The following DEAF1 variants were observed in gnomAD, a reference collection of about 807,000 sequenced individuals.
The protein encoded by DEAF1 is DEAF1 transcription factor, also known as deformed epidermal autoregulatory factor 1 homolog.
A neutral mutation model predicts 58.9 loss-of-function variants in DEAF1; 53 were observed. The ratio of observed to expected loss-of-function variants is 0.90; its 90% CI spans 0.72 to 1.13. The LOEUF is 1.13. DEAF1 is among the 50% of genes most tolerant of loss of function. The pLI is 0.00. For synonymous variants in DEAF1, 385 were observed against 340.4 expected, an observed-to-expected ratio of 1.13 and a Z score of -1.44; for missense variants, 685 against 791.4, an observed-to-expected ratio of 0.87 and a Z score of 1.61.
chr11:670,615 T>G (rs930200129), intron 10 of DEAF1, among the ~76,000 whole-genome samples: 2 of 151,634 alleles, frequency 1.3e-5, no homozygotes, highest in Non-Finnish European at 2.9e-5. Context: ...TCTGGGAAGC[T>G]GAGGCACAAG....
In DEAF1 at chr11:647,580, C is replaced by T. The variant is rs149158544; in HGVS notation, c.1594-2926G>A. 2.0e-3 allele frequency among the ~76,000 whole-genome samples: 301 copies of T among 152,280 alleles called. 2 individuals are homozygous for T. Among genetic ancestry groups the T allele is most frequent in the African/African-American group, 7.1e-3 (295 of 41,568 alleles). On this transcript the variant is annotated intron_variant, in intron 11 of 11. Coordinates refer to ENST00000382409, the MANE Select transcript of DEAF1 (RefSeq NM_021008.4). ...ATCTGACTTACAGTGATCCAGGCCT[C>T]ACAAATGAAAATAATGATGCGTGGG...
Position 644,587 on chromosome 11 carries a change from T to C in DEAF1, c.1661A>G (p.His554Arg), listed in dbSNP as rs1354985474. 6.2e-7 allele frequency: 1 copy of C among 1,613,212 alleles called. No homozygotes were observed. Residue 554 changes from histidine to arginine, a missense_variant, in exon 12 of 12, where the codon CAC becomes CGC. This residue lies in a region of DEAF1 where 343 missense variants were observed against 379.8 expected (regional missense o/e 0.90). Transcript: ENST00000382409. The surrounding 1 kb of genome is among the most constrained non-coding windows in gnomAD (Gnocchi z 4.3). ...CTTCTCCATCACGCTTTCAGCCACGTGGACTTCGTCTGCCTGGACGGTGAC... is the reference window on the plus strand; with the variant it reads ...CTTCTCCATCACGCTTTCAGCCACGCGGACTTCGTCTGCCTGGACGGTGAC... ...AAVTVQADEV[H>R]VAESVMEKVT... is the part of the protein sequence containing the mutation.
intron 9 of DEAF1, 151 bp downstream of exon 9, chr11:678,543 C>T: frequency 9.2e-7 from 1 of 1,088,380 alleles, no homozygotes; most frequent in Non-Finnish European, 1.4e-6. Context: ...CAAACATAGG[C>T]AGTGGGCCAC....
chr11:652,243 C>G (rs1474458737), intron 11 of DEAF1, among the ~76,000 whole-genome samples: 1 of 152,080 alleles, frequency 6.6e-6, no homozygotes, highest in East Asian at 1.9e-4. Flanking sequence ...TTTTTTAGAT[C>G]TACTCCTGAA....
intron 4 of DEAF1, 140 bp from the exon 5 acceptor site, chr11:687,137 G>A: frequency 7.9e-7 from 1 of 1,263,608 alleles, no homozygotes; most frequent in Non-Finnish European, 1.1e-6. Context: ...CCACATACTT[G>A]GCCCTGACAG....
chr11:660,883 G>A (rs1012867915), intron 10 of DEAF1, among the ~76,000 whole-genome samples: 3 of 139,208 alleles, frequency 2.2e-5, no homozygotes, highest in Non-Finnish European at 4.5e-5. Flanking sequence ...AGGCACCCGC[G>A]GCCTTACGGT....
intron 11 of DEAF1, among the ~76,000 whole-genome samples, chr11:645,990 C>CGA (rs1196512002): frequency 6.6e-6 from 1 of 152,098 alleles, no homozygotes; most frequent in Admixed American, 6.6e-5. Flanking sequence ...CAGTGGTTCA[C>CGA]GGCTGTAATC....
intron 11 of DEAF1, among the ~76,000 whole-genome samples, chr11:646,897 C>A (rs529467781): frequency 1.5e-3 from 227 of 152,276 alleles, no homozygotes; most frequent in South Asian, 6.0e-3. Flanking sequence ...ACATCACAGA[C>A]TGTAAAAACA....
rs1590005096 is a variant in DEAF1, at chr11:679,710, G to A, written c.1104C>T (p.Gly368=). 5 of 1,613,002 alleles carry A rather than the reference G, an allele frequency of 3.1e-6. No individual in the cohort carries two copies. The highest frequency in any genetic ancestry group is 1.1e-5 in the South Asian group (1 of 91,086). Residue 368 remains glycine, a synonymous_variant, in exon 8 of 12, where the codon GGC becomes GGT. Transcript: ENST00000382409. ...TAVISESPAQ[G]DVFAGATVQE... The stretch of plus-strand genomic sequence containing the variant: ...CACCTGTGGCCCCTGCGAAGACGTC[G>A]CCCTGGGCCGGACTCTCTGATATGA...
chr11:652,531 G>A (rs1386781089), intron 11 of DEAF1, among the ~76,000 whole-genome samples: 1 of 151,994 alleles, frequency 6.6e-6, no homozygotes, highest in East Asian at 1.9e-4. Flanking sequence ...CCAGCTACTC[G>A]GGAGGCTGAG....
chr11:694,627 C>T, intron 1 of DEAF1, 132 bp downstream of exon 1: 5 of 827,178 alleles, frequency 6.0e-6, no homozygotes, highest in Non-Finnish European at 8.0e-6. Context: ...GCGGGTGGAG[C>T]GGGCTGGTCA....
chr11:654,801 G>A (rs985750867), intron 10 of DEAF1: 16 of 373,144 alleles, frequency 4.3e-5, no homozygotes, highest in South Asian at 7.6e-5. Flanking sequence ...CCCAGGAGGC[G>A]GAGGTTGCAG....
chr11:700,085 C>T, upstream of DEAF1: 1 of 1,477,686 alleles, frequency 6.8e-7, no homozygotes, highest in East Asian at 2.3e-5. Flanking sequence ...CTTGTTCAGC[C>T]ACCTGGGAGG....
chr11:696,719 T>TTGCGCCACTGCACTCCAGCCTG (rs1861187375), upstream of DEAF1, among the ~76,000 whole-genome samples: 1 of 151,908 alleles, frequency 6.6e-6, no homozygotes, highest in African/African-American at 2.4e-5. Context: ...TGAGCCGTGA[T>TTGCGCCACTGCACTCCAGCCTG]GGCGCCACTG....
In DEAF1 at chr11:644,723, G is replaced by A. The variant is rs986682253; in HGVS notation, c.1594-69C>T. On this transcript the variant is annotated intron_variant, in intron 11 of 11. Coordinates refer to ENST00000382409, the MANE Select transcript of DEAF1 (RefSeq NM_021008.4). This position sits in a 1 kb window ranked among gnomAD's most constrained non-coding sequence, Gnocchi z 4.3. ...AGCAGGGTCTGGGCAGGGTCCCCAA[G>A]GCAGACCCCAGAGGGTGCAGCCCTC... 3.9e-6 allele frequency: 5 copies of A among 1,277,146 alleles called. No individual in the cohort carries two copies. The highest frequency in any genetic ancestry group is 1.3e-5 in the South Asian group (1 of 79,552). 79.1% of individuals were successfully genotyped at this position (1,277,146 alleles called of 1,614,324 possible).
At chr11:687,142 T>C (rs1860629015) in intron 4 of DEAF1, 145 bp from the exon 5 acceptor site, 1 of 1,233,050 alleles carries the variant, frequency 8.1e-7, no homozygotes, top group Non-Finnish European at 1.2e-6. Context: ...TACTTGGCCC[T>C]GACAGGTCCA....
At chr11:696,507 A>G (rs918456316), upstream of DEAF1, among the ~76,000 whole-genome samples, 9 of 152,362 alleles carry the variant, frequency 5.9e-5, no homozygotes, top group African/African-American at 2.2e-4. Context: ...GGTTGGGCGC[A>G]GTGGCTCAGG....
chr11:669,775 C>CA (rs1181167404), intron 10 of DEAF1, among the ~76,000 whole-genome samples: 1 of 145,756 alleles, frequency 6.9e-6, no homozygotes, highest in Non-Finnish European at 1.5e-5. Context: ...ACTTAAAACA[C>CA]AAAAATTAGC....
chr11:646,838 C>T (rs1461751095), intron 11 of DEAF1, among the ~76,000 whole-genome samples: 1 of 152,038 alleles, frequency 6.6e-6, no homozygotes, highest in Admixed American at 6.6e-5. Context: ...GTTAAATTCA[C>T]AAGAAGCTAA....
Sources: gnomAD v4.1 joint callset for allele counts (sites outside exome capture counted in the v4.1 genomes callset) on GRCh38, gnomAD v4.1.1 for gene constraint, gnomAD v4.1.1 regional missense constraint, Gnocchi (gnomAD v3.1) non-coding constraint, MANE v1.5 for transcripts, NCBI Gene and HGNC (gene_info 2026-07-23, HGNC 2026-07-21) for gene names.